ACLY: variants seen among roughly 807,000 people sequenced by gnomAD.
The protein encoded by ACLY is ATP-citrate synthase.
A neutral mutation model predicts 133.0 loss-of-function variants in ACLY; 41 were observed. The ratio of observed to expected loss-of-function variants is 0.31; its 90% confidence interval spans 0.24 to 0.40. The LOEUF is 0.40. Among genes scored for constraint, ACLY ranks in the 10% least tolerant of loss-of-function variants. The pLI is 1.00. For missense variants in ACLY, 1,046 were observed against 1,453.8 expected (o/e 0.72, Z 4.56); for synonymous variants, 495 against 549.3 (o/e 0.90, Z 1.38).
intron 11 of ACLY, among the ~76,000 whole-genome samples, chr17:41,901,087 TG>T (rs1389595182): frequency 6.6e-6 from 1 of 151,854 alleles, no homozygotes; most frequent in Non-Finnish European, 1.5e-5. Context: ...CCCAAGTAGC[TG>T]GGACTACAGG....
chr17:41,913,081 G>A (rs1283243094), intron 2 of ACLY, among the ~76,000 whole-genome samples: 2 of 152,136 alleles, frequency 1.3e-5, no homozygotes, highest in African/African-American at 4.8e-5. Flanking sequence ...CTGCCTCCTA[G>A]TGGGAAGAAA....
chr17:41,921,456 C>A (rs1213702309), upstream of ACLY, among the ~76,000 whole-genome samples: 1 of 136,206 alleles, frequency 7.3e-6, no homozygotes, highest in Non-Finnish European at 1.5e-5. Flanking sequence ...CCAGCCTGGG[C>A]GACAGGGTGT....
intron 9 of ACLY, among the ~76,000 whole-genome samples, chr17:41,905,305 C>T (rs2049680031): frequency 6.6e-6 from 1 of 152,222 alleles, no homozygotes; most frequent in Non-Finnish European, 1.5e-5. Flanking sequence ...CTTTATCACA[C>T]ATCACCTCTT....
chr17:41,876,526 AAAG>A (rs1383128432), intron 22 of ACLY, among the ~76,000 whole-genome samples: 2 of 152,264 alleles, frequency 1.3e-5, no homozygotes, highest in Admixed American at 6.5e-5. Flanking sequence ...GTCTGTGTAG[AAAG>A]AAGTAGACAT....
intron 20 of ACLY, among the ~76,000 whole-genome samples, chr17:41,881,416 C>CAAAA (rs34173466): frequency 1.7e-4 from 7 of 41,584 alleles, no homozygotes; most frequent in Admixed American, 5.3e-4. Flanking sequence ...GACTCCGTCT[C>CAAAA]AAAAAAAAAA....
At position 41,877,012 on chromosome 17, in the gene ACLY, C is replaced by G. The variant is rs549619207; in HGVS notation, c.2487+1091G>C. Among the ~76,000 whole-genome samples, 5 of 152,164 alleles carry G rather than the reference C, an allele frequency of 3.3e-5. No homozygotes were observed. The South Asian group carries it at 1.0e-3, about 32-fold the overall frequency. ...GACTGAATTCCTGAATTTCCCATTT[C>G]CAGAGTTGAGGCAAATCAGCCAATT... On this transcript the variant is annotated intron_variant, in intron 22 of 28. Coordinates refer to ENST00000352035, the MANE Select transcript of ACLY (RefSeq NM_001096.3).
chr17:41,891,276 G>A (rs2049203192), intron 16 of ACLY, among the ~76,000 whole-genome samples: 1 of 151,942 alleles, frequency 6.6e-6, no homozygotes, highest in Admixed American at 6.6e-5. Flanking sequence ...CAATACCCCC[G>A]CCTCTGCCGC....
upstream of ACLY, among the ~76,000 whole-genome samples, chr17:41,920,846 G>C (rs1555635334): frequency 6.6e-6 from 1 of 152,040 alleles, no homozygotes; most frequent in African/African-American, 2.4e-5. Context: ...ACCTGAGTTC[G>C]AGGTCAAGCG....
chr17:41,913,591 T>A, intron 2 of ACLY, 124 bp downstream of exon 2: 1 of 1,050,240 alleles, frequency 9.5e-7, no homozygotes. Flanking sequence ...ATGGCATGCT[T>A]CCCACAGCTG....
Position 41,896,604 on chromosome 17 carries a change from G to T in ACLY, c.1459+16C>A. 6.4e-7 allele frequency: 1 copy of T among 1,554,842 alleles called. No homozygotes were observed. Among genetic ancestry groups the T allele is most frequent in the East Asian group, 2.4e-5 (1 of 41,342 alleles). On this transcript the variant is annotated intron_variant, in intron 14 of 28. Coordinates refer to ENST00000352035, the MANE Select transcript of ACLY (RefSeq NM_001096.3). ...AAAGCCACACGCGGAGTGGGGGCAG[G>T]GTGGGGGCATCCTACCTTGCAGGGA... is the stretch of plus-strand genomic sequence containing the variant.
At chr17:41,898,506 C>T in intron 12 of ACLY, 125 bp downstream of exon 12, 1 of 1,305,702 alleles carries the variant, frequency 7.7e-7, no homozygotes, top group Non-Finnish European at 1.0e-6. Context: ...GATCCACAAA[C>T]CAACCATGCA....
chr17:41,903,542 C>G (rs546209883), intron 10 of ACLY, among the ~76,000 whole-genome samples: 7 of 151,956 alleles, frequency 4.6e-5, no homozygotes, highest in African/African-American at 9.7e-5. Flanking sequence ...ATCATGAGGT[C>G]AGGAGGTCGA....
At chr17:41,899,471 C>T (rs1469756875) in intron 11 of ACLY, among the ~76,000 whole-genome samples, 2 of 152,092 alleles carry the variant, frequency 1.3e-5, no homozygotes, top group Non-Finnish European at 2.9e-5. Context: ...GGCTCTGGCC[C>T]TGCTTCTCCC....
At position 41,905,773 on chromosome 17, in the gene ACLY, G is replaced by A. The variant is rs1261495679; in HGVS notation, c.867-115C>T. 1.4e-5 allele frequency: 18 copies of A among 1,311,128 alleles called. No individual in the cohort carries two copies. In the South Asian group the frequency reaches 1.5e-4, roughly 11 times the overall value. The allele number at this position is 1,311,128 out of a possible 1,614,324, so 81.2% of individuals were successfully genotyped here. A position where few individuals can be genotyped will look rare whatever the true frequency, so the allele number is the denominator to read the frequency against. ...AACACTGGAGTTAGCCTGTGGAACC[G>A]GCCTCTTGGATCTCCAGCCCCCAAT... is the stretch of plus-strand genomic sequence containing the variant. On this transcript the variant is annotated intron_variant, in intron 8 of 28. Transcript: ENST00000352035.
rs782515984 is a variant in ACLY, at chr17:41,901,747, G to A, written c.1132C>T (p.Arg378Ter). Residue 378 changes from arginine (R) to a stop codon, truncating the protein, a stop_gained, in exon 11 of 29, where the codon CGA becomes TGA. Transcript: ENST00000352035. LOFTEE classifies it high-confidence loss of function. ...LKEHEVTIFV[R>*]RGGPNYQEGL... ...TCCTGATAGTTGGGGCCACCTCTTC[G>A]GACAAAGATTGTGACTTCGTGCTCC... 2.5e-6 allele frequency: 4 copies of A among 1,608,618 alleles called. No individual in the cohort carries two copies. Among genetic ancestry groups the A allele is most frequent in the Non-Finnish European group, 2.5e-6 (3 of 1,176,906 alleles).
At chr17:41,909,835 C>T in intron 4 of ACLY, 135 bp from the exon 5 acceptor site, 1 of 771,652 alleles carries the variant, frequency 1.3e-6, no homozygotes, top group Non-Finnish European at 2.1e-6. Context: ...TTCTAAAACC[C>T]AGTGAAAACC....
At chr17:41,881,150 C>T (rs1476019436) in intron 20 of ACLY, among the ~76,000 whole-genome samples, 1 of 151,942 alleles carries the variant, frequency 6.6e-6, no homozygotes, top group Non-Finnish European at 1.5e-5. Context: ...AGAGAATCGG[C>T]TGGGTGCGGT....
At chr17:41,897,213 C>T (rs1317841208) in intron 13 of ACLY, among the ~76,000 whole-genome samples, 1 of 151,028 alleles carries the variant, frequency 6.6e-6, no homozygotes, top group Non-Finnish European at 1.5e-5. Flanking sequence ...AAGGGCTGGC[C>T]GGCAGGAATC....
chr17:41,881,005 G>T (rs999768014), intron 20 of ACLY, among the ~76,000 whole-genome samples: 3 of 151,732 alleles, frequency 2.0e-5, no homozygotes, highest in African/African-American at 7.3e-5. Flanking sequence ...GGGAGGTGGG[G>T]TGGAAAGGGG....
Sources: gnomAD v4.1 joint callset for allele counts (sites outside exome capture counted in the v4.1 genomes callset) on GRCh38, gnomAD v4.1.1 for gene constraint, MANE v1.5 for transcripts, NCBI Gene and HGNC (gene_info 2026-07-23, HGNC 2026-07-21) for gene names.